LYST: variants seen among roughly 807,000 people sequenced by gnomAD.
The protein encoded by LYST is lysosomal-trafficking regulator.
Under a neutral mutation model 413.6 loss-of-function variants are expected in LYST, and 192 were observed. The ratio of observed to expected loss-of-function variants is 0.46; its 90% confidence interval spans 0.41 to 0.52. The LOEUF (loss-of-function observed/expected upper bound fraction) is 0.52, where lower values mean the gene tolerates loss of function less well. LYST is among the 20% of genes least tolerant of loss of function. LYST has a pLI of 0.00. For missense variants in LYST, 3,815 were observed against 4,499.9 expected (o/e 0.85, Z 4.35); for synonymous variants, 1,525 against 1,567.3 (o/e 0.97, Z 0.64).
intron 42 of LYST, 142 bp from the exon 43 acceptor site, chr1:235,712,339 C>A (rs922049434): frequency 2.5e-5 from 16 of 637,540 alleles, no homozygotes; most frequent in Middle Eastern, 4.3e-4. Flanking sequence ...AGAAGTTATT[C>A]ATGTTCTTGA....
chr1:235,837,472 A>G (rs1409081433), intron 1 of LYST, among the ~76,000 whole-genome samples: 1 of 152,108 alleles, frequency 6.6e-6, no homozygotes, highest in African/African-American at 2.4e-5. Context: ...TACTAAAAAT[A>G]CAAAAATTAG....
chr1:235,715,354 A>C lies in LYST; in HGVS notation c.9631T>G (p.Leu3211Val). The change falls in exon 42 of 53, where the codon TTG (leucine) becomes GTG (valine). Residue 3211 changes from leucine (L) to valine (V), a missense_variant. Leu to Val is a conservative substitution (Grantham distance 32, BLOSUM62 1). Transcript: ENST00000389793. Reference sequence around the variant, plus strand: ...GCTCCTTTGCGGTACTCTTCCTCCAAGTACTGAAAGAAACGGTGAATCCAG... The same window carrying C: ...GCTCCTTTGCGGTACTCTTCCTCCACGTACTGAAAGAAACGGTGAATCCAG... The part of the protein sequence containing the change: ...EDRYVDTYKY[L>V]EEEYRKGARE... The C allele has an allele frequency of 6.2e-7, 1 of 1,613,808 alleles. No homozygotes were observed.
intron 6 of LYST, 63 bp from the exon 7 acceptor site, chr1:235,804,728 AAATAAAT>A: frequency 1.0e-6 from 1 of 968,238 alleles, no homozygotes; most frequent in Non-Finnish European, 1.6e-6. Flanking sequence ...AATGATGAAA[AAATAAAT>A]AATAAATATT....
At chr1:235,859,520 G>A (rs963895665) in intron 1 of LYST, among the ~76,000 whole-genome samples, 17 of 142,048 alleles carry the variant, frequency 1.2e-4, no homozygotes, top group Admixed American at 1.0e-3. Flanking sequence ...TTTTTTAAAT[G>A]TATCTATATC....
intron 1 of LYST, among the ~76,000 whole-genome samples, chr1:235,879,829 C>T (rs559969010): frequency 2.6e-5 from 4 of 152,208 alleles, no homozygotes; most frequent in East Asian, 1.9e-4. Flanking sequence ...CTCTGCCTCC[C>T]GGTTTCAAGT....
rs374841157 is a variant in LYST, at chr1:235,810,571, A to C, written c.284-37T>G. 18 of 1,577,720 alleles carry C rather than the reference A, an allele frequency of 1.1e-5. No homozygotes were observed. In the African/African-American group the frequency reaches 2.3e-4, roughly 20 times the overall value. On this transcript the variant is annotated intron_variant, in intron 4 of 52. Coordinates refer to ENST00000389793, the MANE Select transcript of LYST (RefSeq NM_000081.4). Reference sequence around the variant, plus strand: ...AAAAAAGAAGGCTTAGAATACCTCAATATGTTTTAAAACTCAATTTTAAGG... The same window carrying C: ...AAAAAAGAAGGCTTAGAATACCTCACTATGTTTTAAAACTCAATTTTAAGG...
intron 22 of LYST, among the ~76,000 whole-genome samples, chr1:235,760,525 C>G (rs1343256712): frequency 6.6e-6 from 1 of 151,848 alleles, no homozygotes; most frequent in Non-Finnish European, 1.5e-5. Flanking sequence ...GCATGGGATA[C>G]AAGTGCATGC....
chr1:235,748,113 T>C (rs1666104303), intron 28 of LYST, among the ~76,000 whole-genome samples: 1 of 152,196 alleles, frequency 6.6e-6, no homozygotes, highest in South Asian at 2.1e-4. Flanking sequence ...TGTCTCATTC[T>C]CACAAATAAT....
intron 44 of LYST, among the ~76,000 whole-genome samples, chr1:235,704,769 A>G (rs111957842): frequency 1.1e-3 from 160 of 152,194 alleles, no homozygotes; most frequent in African/African-American, 3.7e-3. Context: ...CCACTTGTCA[A>G]TTGTTGCTCT....
At chr1:235,708,070 A>C (rs1662124440) in intron 44 of LYST, among the ~76,000 whole-genome samples, 1 of 152,168 alleles carries the variant, frequency 6.6e-6, no homozygotes, top group African/African-American at 2.4e-5. Flanking sequence ...GTAGCCATTA[A>C]AAATAATGTA....
intron 37 of LYST, among the ~76,000 whole-genome samples, chr1:235,728,623 G>A (rs547676403): frequency 7.7e-4 from 117 of 152,196 alleles, no homozygotes; most frequent in African/African-American, 2.8e-3. Context: ...ACTTTTTCCT[G>A]TTTCATAGGC....
chr1:235,771,403 C>A (rs928671491), intron 19 of LYST, among the ~76,000 whole-genome samples: 2 of 152,058 alleles, frequency 1.3e-5, no homozygotes, highest in Admixed American at 1.3e-4. Context: ...ATCAAACAAC[C>A]CCAAATTTGC....
intron 31 of LYST, chr1:235,737,930 T>TGGTC: frequency 1.7e-6 from 2 of 1,180,538 alleles, no homozygotes; most frequent in Non-Finnish European, 2.1e-6. Flanking sequence ...TGGATCTCAC[T>TGGTC]GCCGCGTGCC....
intron 50 of LYST, among the ~76,000 whole-genome samples, chr1:235,669,460 C>CA (rs1194354775): frequency 6.6e-6 from 1 of 152,226 alleles, no homozygotes; most frequent in Non-Finnish European, 1.5e-5. Flanking sequence ...TGTCTGCAAC[C>CA]AATCAAACTG....
chr1:235,710,356 T>C (rs1002329227), intron 43 of LYST, among the ~76,000 whole-genome samples: 5 of 152,124 alleles, frequency 3.3e-5, no homozygotes, highest in Non-Finnish European at 7.4e-5. Context: ...CAGAACTCCA[T>C]GTGTGTGGCT....
intron 5 of LYST, 96 bp from the exon 6 acceptor site, chr1:235,806,868 G>A: frequency 1.2e-6 from 1 of 817,302 alleles, no homozygotes; most frequent in Non-Finnish European, 2.0e-6. Flanking sequence ...ATTGCATGTG[G>A]GATATACTAA....
chr1:235,816,795 TACCATC>T (rs1306769628), intron 3 of LYST, among the ~76,000 whole-genome samples: 1 of 151,664 alleles, frequency 6.6e-6, no homozygotes, highest in Admixed American at 6.6e-5. Context: ...ACCTAAGAAA[TACCATC>T]CTGGACATAG....
In LYST at chr1:235,662,421, G is replaced by A. The variant is rs192603579; in HGVS notation, c.*519C>T. ...AATATTTGGTACAGAGGCACCTACT[G>A]AATAATTTGCTTCTCAAAGAAAGCA... On this transcript the variant is annotated 3_prime_UTR_variant, in exon 53 of 53. Transcript: ENST00000389793. The A allele has an allele frequency of 4.4e-3, 723 of 165,972 alleles. 3 individuals are homozygous for A. The highest frequency in any genetic ancestry group is 8.0e-3 in the Admixed American group (139 of 17,300). The allele number at this position is 165,972 out of a possible 1,614,324, so 10.3% of individuals were successfully genotyped here.
At chr1:235,866,095 T>A (rs1680469830) in intron 1 of LYST, among the ~76,000 whole-genome samples, 1 of 152,210 alleles carries the variant, frequency 6.6e-6, no homozygotes, top group Non-Finnish European at 1.5e-5. Flanking sequence ...CTGTATCCCC[T>A]GGACCATTAA....
Sources: allele counts gnomAD v4.1 joint callset (sites outside exome capture counted in the v4.1 genomes callset), GRCh38; gene constraint gnomAD v4.1.1; transcripts MANE v1.5; gene names NCBI Gene and HGNC (gene_info 2026-07-23, HGNC 2026-07-21).